Variants in KLHL13 observed in about 807,000 individuals in gnomAD.
KLHL13 encodes kelch like family member 13, also known as kelch-like protein 13.
KLHL13 carries 10 observed loss-of-function variants against 37.1 expected under a neutral mutation model. That is an observed-to-expected ratio of 0.27 (90% CI 0.17 to 0.46). The LOEUF is 0.46. Among genes scored for constraint, KLHL13 ranks in the 20% least tolerant of loss-of-function variants. The pLI is 1.00. For missense variants in KLHL13, 360 were observed against 509.3 expected (o/e 0.71, Z 2.82); for synonymous variants, 163 against 181.2 (o/e 0.90, Z 0.81).
chrX:118,056,622 T>C (rs1054720727), intron 1 of KLHL13, among the ~76,000 whole-genome samples: 1 of 112,057 alleles, frequency 8.9e-6, no homozygotes, highest in Non-Finnish European at 1.9e-5. Flanking sequence ...TTAAATTCTC[T>C]TTGTTCAAAT....
intron 1 of KLHL13, among the ~76,000 whole-genome samples, chrX:118,071,209 A>G (rs2054860088): frequency 8.9e-6 from 1 of 111,735 alleles, no homozygotes; most frequent in African/African-American, 3.3e-5. Context: ...TAATGCCGCA[A>G]TAAACATACG....
intron 1 of KLHL13, among the ~76,000 whole-genome samples, chrX:118,043,687 T>A (rs185782634): frequency 1.5e-3 from 168 of 111,580 alleles, no homozygotes; most frequent in Non-Finnish European, 1.1e-3. Context: ...AAATTCAACA[T>A]CGCTTCATGA....
chrX:118,042,571 A>G (rs2054516248), intron 1 of KLHL13, among the ~76,000 whole-genome samples: 1 of 112,124 alleles, frequency 8.9e-6, no homozygotes, highest in Admixed American at 9.5e-5. Flanking sequence ...AACTGTACAA[A>G]CACATGAAAA....
intron 1 of KLHL13, among the ~76,000 whole-genome samples, chrX:117,990,948 A>C (rs2053781229): frequency 9.0e-6 from 1 of 110,746 alleles, no homozygotes; most frequent in African/African-American, 3.3e-5. Flanking sequence ...TGAACAATAT[A>C]AAGAATAAAA....
At chrX:117,950,103 T>A (rs1933511070) in intron 1 of KLHL13, among the ~76,000 whole-genome samples, 1 of 112,700 alleles carries the variant, frequency 8.9e-6, no homozygotes. Context: ...TTAACTGCCA[T>A]CATTTCATTA....
chrX:118,003,089 G>A (rs1026122206), intron 1 of KLHL13, among the ~76,000 whole-genome samples: 1 of 112,718 alleles, frequency 8.9e-6, no homozygotes, highest in Non-Finnish European at 1.9e-5. Context: ...AAGGAAATCT[G>A]AGAACCTAAT....
chrX:118,062,002 C>A (rs2054748061), intron 1 of KLHL13, among the ~76,000 whole-genome samples: 1 of 111,091 alleles, frequency 9.0e-6, no homozygotes, highest in Non-Finnish European at 1.9e-5. Flanking sequence ...ACTGCCCCAT[C>A]TTCTCCATAC....
At chrX:118,090,150 A>G (rs1271318412) in intron 1 of KLHL13, among the ~76,000 whole-genome samples, 1 of 110,390 alleles carries the variant, frequency 9.1e-6, no homozygotes, top group Non-Finnish European at 1.9e-5. Flanking sequence ...AGATGGATTA[A>G]AGACTTAAAT....
chrX:118,076,549 T>C (rs185761957), intron 1 of KLHL13, among the ~76,000 whole-genome samples: 72 of 111,515 alleles, frequency 6.5e-4, no homozygotes, highest in African/African-American at 2.2e-3. Context: ...GTGGAGCATC[T>C]TGTAGAGAAA....
intron 1 of KLHL13, among the ~76,000 whole-genome samples, chrX:118,031,590 G>C (rs2054347644): frequency 1.1e-5 from 1 of 90,932 alleles, no homozygotes. Flanking sequence ...TATATATTTA[G>C]TTATATATAT....
chrX:117,999,776 C>T (rs760918276), intron 1 of KLHL13, among the ~76,000 whole-genome samples: 1 of 111,003 alleles, frequency 9.0e-6, no homozygotes, highest in Admixed American at 9.6e-5. Context: ...GCAGGCAACA[C>T]ATGGTGAATC....
At chrX:117,922,437 AAT>A (rs1361803380) in intron 2 of KLHL13, among the ~76,000 whole-genome samples, 7 of 111,667 alleles carry the variant, frequency 6.3e-5, no homozygotes, top group African/African-American at 2.3e-4. Context: ...GTTGGTACTT[AAT>A]ATATGTTCCA....
intron 1 of KLHL13, among the ~76,000 whole-genome samples, chrX:118,065,019 A>G (rs1158907846): frequency 8.9e-6 from 1 of 111,770 alleles, no homozygotes; most frequent in African/African-American, 3.3e-5. Flanking sequence ...TTTAAATATT[A>G]ATTTTCTTTA....
intron 1 of KLHL13, among the ~76,000 whole-genome samples, chrX:118,092,117 T>C (rs1231035133): frequency 1.3e-4 from 14 of 111,625 alleles, no homozygotes; most frequent in Non-Finnish European, 1.5e-4. Context: ...TGTACACTGC[T>C]TGAGTGATGG....
At chrX:117,969,740 C>T (rs548437519) in intron 1 of KLHL13, among the ~76,000 whole-genome samples, 44 of 111,667 alleles carry the variant, frequency 3.9e-4, no homozygotes, top group African/African-American at 1.3e-3. Context: ...CTGAATCTTT[C>T]GTATTTAAGA....
intron 1 of KLHL13, among the ~76,000 whole-genome samples, chrX:118,021,206 C>T (rs1272395600): frequency 9.3e-6 from 1 of 107,718 alleles, no homozygotes; most frequent in Non-Finnish European, 1.9e-5. Flanking sequence ...ATGTCCTCCA[C>T]GTTCATCCAT....
At chrX:117,921,825 A>G (rs961856588) in intron 2 of KLHL13, among the ~76,000 whole-genome samples, 7 of 112,452 alleles carry the variant, frequency 6.2e-5, no homozygotes, top group Admixed American at 9.4e-5. Context: ...CTTCAAAGAG[A>G]TGATCTGATC....
rs190493864 is a variant in KLHL13 at position 117,991,514 on chromosome X, C to T, written c.-55-45939G>A. On this transcript the variant is annotated intron_variant, in intron 1 of 6. Transcript: ENST00000371882. Reference sequence around the variant, plus strand: ...TCTTAAGCTTTTATTCAAAAACTTTCCATGACTCCTTATTTCTATGGATGT... The same window carrying T: ...TCTTAAGCTTTTATTCAAAAACTTTTCATGACTCCTTATTTCTATGGATGT... Among the ~76,000 whole-genome samples, 6 of 111,265 alleles carry T rather than the reference C, an allele frequency of 5.4e-5. No individual in the cohort carries two copies. In the Admixed American group the frequency reaches 5.7e-4, roughly 11 times the overall value.
At chrX:117,974,958 A>C (rs1299876539), upstream of KLHL13, among the ~76,000 whole-genome samples, 1 of 111,876 alleles carries the variant, frequency 8.9e-6, no homozygotes, top group Non-Finnish European at 1.9e-5. Flanking sequence ...GACTCACAGA[A>C]ATTGTCAAAT....
Sources: gnomAD v4.1 joint callset for allele counts (sites outside exome capture counted in the v4.1 genomes callset) on GRCh38, gnomAD v4.1.1 for gene constraint, MANE v1.5 for transcripts, NCBI Gene and HGNC (gene_info 2026-07-23, HGNC 2026-07-21) for gene names.